Variants in DNAAF1 observed in about 807,000 individuals in gnomAD.
DNAAF1 encodes the protein dynein assembly factor 1, axonemal.
In DNAAF1, 65 loss-of-function variants were observed where a neutral mutation model predicts 71.1. The ratio of observed to expected loss-of-function variants is 0.91; its 90% CI spans 0.75 to 1.12. The LOEUF is 1.12. Ranked by LOEUF, DNAAF1 falls within the 50% of genes most tolerant of loss-of-function variation. The probability of loss-of-function intolerance (pLI) is 0.00; values close to 1 mark genes in which losing one functional copy is unlikely to be tolerated. For missense variants in DNAAF1, 1,178 were observed against 899.8 expected (o/e 1.31, Z -3.96); for synonymous variants, 414 against 354.6 (o/e 1.17, Z -1.88).
At chr16:84,163,383 C>CTT (rs71382897) in intron 6 of DNAAF1, among the ~76,000 whole-genome samples, 1 of 135,546 alleles carries the variant, frequency 7.4e-6, no homozygotes. Context: ...CTCTCTTTTT[C>CTT]TTTTTTTTTT....
rs1060502829 is a variant in DNAAF1 at position 84,149,072 on chromosome 16, C to T, written c.190C>T (p.Gln64Ter). Residue 64 changes from glutamine to a stop codon, truncating the protein, a stop_gained, in exon 2 of 12, where the codon CAG becomes TAG. Transcript: ENST00000378553. LOFTEE classifies it high-confidence loss of function. Reference sequence around the variant, plus strand: ...CACATCCTACCACAGCCAGCAGAAACAGAGTGGTGATAATGGGTCAGGTGG... The same window carrying T: ...CACATCCTACCACAGCCAGCAGAAATAGAGTGGTGATAATGGGTCAGGTGG... ...SDTSYHSQQK[Q>*]SGDNGSGGHF... 4 of 1,614,106 alleles carry T rather than the reference C, an allele frequency of 2.5e-6. No individual in the cohort carries two copies. Among genetic ancestry groups the T allele is most frequent in the Non-Finnish European group, 3.4e-6 (4 of 1,180,020 alleles).
chr16:84,176,035 GAC>G lies in DNAAF1; in HGVS notation c.1804_1805del (p.Thr602SerfsTer9), dbSNP rs1278356541. ...CCCTGTGCTGGAAAACCTCCCCACA[GAC>G]ACTCTGTCAAATATATTTGCAGTCT... ...SLPVLENLPT[D>X]TLSNIFAVSK... On this transcript the variant is annotated frameshift_variant, in exon 11 of 12. Coordinates refer to ENST00000378553, the MANE Select transcript of DNAAF1 (RefSeq NM_178452.6). LOFTEE classifies it high-confidence loss of function. The G allele has an allele frequency of 4.3e-6, 7 of 1,614,176 alleles. No homozygotes were observed. Among genetic ancestry groups the G allele is most frequent in the Non-Finnish European group, 5.9e-6 (7 of 1,180,038 alleles).
At position 84,155,599 on chromosome 16, in the gene DNAAF1, G is replaced by C; in HGVS notation, c.591G>C (p.Leu197=). The C allele has an allele frequency of 6.2e-7, 1 of 1,614,148 alleles. No individual in the cohort carries two copies. The highest frequency in any genetic ancestry group is 8.5e-7 in the Non-Finnish European group (1 of 1,180,026). ...ACCTTCCAGCCTGCCTCCCAGTCCT[G>C]AACACATTGCAGATGGCCCACAATC... is the stretch of plus-strand genomic sequence containing the variant. ...TIENLSCLPV[L]NTLQMAHNHL... Residue 197 remains leucine (L), a synonymous_variant, in exon 5 of 12, where the codon CTG becomes CTC. Coordinates refer to ENST00000378553, the MANE Select transcript of DNAAF1 (RefSeq NM_178452.6).
intron 8 of DNAAF1, 28 bp downstream of exon 8, chr16:84,170,384 A>G: frequency 6.2e-7 from 1 of 1,613,222 alleles, no homozygotes; most frequent in African/African-American, 1.3e-5. Context: ...ACACACACAG[A>G]CACACACACC....
At chr16:84,157,002 A>C (rs1207762276) in intron 5 of DNAAF1, among the ~76,000 whole-genome samples, 1 of 150,916 alleles carries the variant, frequency 6.6e-6, no homozygotes, top group Admixed American at 6.6e-5. Context: ...ACAGGTGTGC[A>C]CCACCACGTC....
intron 11 of DNAAF1, chr16:84,176,553 G>C: frequency 1.7e-6 from 1 of 590,944 alleles, no homozygotes. Context: ...CTGACTGTGT[G>C]TGGGGGTCAC....
At chr16:84,168,609 A>G (rs190336031) in intron 7 of DNAAF1, among the ~76,000 whole-genome samples, 71 of 152,216 alleles carry the variant, frequency 4.7e-4, no homozygotes, top group African/African-American at 1.7e-3. Flanking sequence ...AATGGCAGAA[A>G]TATGTTGCTT....
At chr16:84,148,905 T>G in intron 1 of DNAAF1, 102 bp from the exon 2 acceptor site, 1 of 1,316,854 alleles carries the variant, frequency 7.6e-7, no homozygotes. Flanking sequence ...AGAATACTGG[T>G]GTTCTATACT....
rs139283232 is a variant in DNAAF1 at position 84,159,676 on chromosome 16, G to A, written c.743G>A (p.Arg248His). 53 of 1,610,850 alleles carry A rather than the reference G, an allele frequency of 3.3e-5. No individual in the cohort carries two copies. Among genetic ancestry groups the A allele is most frequent in the Admixed American group, 5.0e-5 (3 of 59,680 alleles). ...TTGGTTCTGCTTGTCTTCTTGCAGC[G>A]TGTACTGAATTTGATGGGAAACCCG... is the stretch of plus-strand genomic sequence containing the variant. ...LSILESMPDL[R>H]VLNLMGNPVI... The change falls in exon 6 of 12, where the codon CGT becomes CAT. Residue 248 changes from arginine (R) to histidine (H), a missense_variant and splice_region_variant. Coordinates refer to ENST00000378553, the MANE Select transcript of DNAAF1 (RefSeq NM_178452.6).
chr16:84,172,725 A>G, intron 9 of DNAAF1: 1 of 1,174,962 alleles, frequency 8.5e-7, no homozygotes, highest in Non-Finnish European at 1.1e-6. Context: ...GCCTTATCCA[A>G]ATTCGTGGTG....
intron 6 of DNAAF1, among the ~76,000 whole-genome samples, chr16:84,164,385 T>G (rs903622019): frequency 6.6e-6 from 1 of 152,220 alleles, no homozygotes; most frequent in Non-Finnish European, 1.5e-5. Context: ...ATAGTTTTAC[T>G]GCCCTAAAAC....
At position 84,170,330 on chromosome 16, in the gene DNAAF1, C is replaced by T. The variant is rs745871666; in HGVS notation, c.1502C>T (p.Pro501Leu). ...ACCCTCCCAGCTGAGGCCCCACCACCACCGCCCCTGGGAGCTGCCAGGGAA... is the reference window on the plus strand; with the variant it reads ...ACCCTCCCAGCTGAGGCCCCACCACTACCGCCCCTGGGAGCTGCCAGGGAA... ...EGTLPAEAPP[P>L]PPLGAAREEP... is the part of the protein sequence containing the mutation. Residue 501 changes from proline to leucine, a missense_variant, in exon 8 of 12, where the codon CCA (proline) becomes CTA (leucine). Pro to Leu is a moderately conservative substitution (Grantham distance 98). Transcript: ENST00000378553. The T allele has an allele frequency of 5.6e-6, 9 of 1,611,778 alleles. 1 individual carries two copies. In the South Asian group the frequency reaches 9.9e-5, roughly 18 times the overall value.
At chr16:84,177,177 CCTT>C (rs1487605986) in intron 11 of DNAAF1, 8 of 184,712 alleles carry the variant, frequency 4.3e-5, no homozygotes. Context: ...CACTGAGTGG[CCTT>C]CTCTTCCACT....
At chr16:84,168,500 A>C (rs1282082561) in intron 7 of DNAAF1, among the ~76,000 whole-genome samples, 3 of 151,854 alleles carry the variant, frequency 2.0e-5, no homozygotes, top group African/African-American at 7.2e-5. Context: ...CTGGTCTCGA[A>C]CTCCTGGCCT....
Position 84,170,053 on chromosome 16 carries a change from G to A in DNAAF1, c.1225G>A (p.Gly409Ser). 1.9e-6 allele frequency: 3 copies of A among 1,613,882 alleles called. No individual in the cohort carries two copies. The highest frequency in any genetic ancestry group is 2.5e-6 in the Non-Finnish European group (3 of 1,180,040). Residue 409 changes from glycine to serine, a missense_variant, in exon 8 of 12, where the codon GGT becomes AGT. Transcript: ENST00000378553. ...PPVEAKREDG[G>S]PEPEGTLPAE... Reference sequence around the variant, plus strand: ...TGTGGAGGCTAAAAGAGAGGATGGAGGTCCAGAGCCAGAGGGGACCCTCCC... The same window carrying A: ...TGTGGAGGCTAAAAGAGAGGATGGAAGTCCAGAGCCAGAGGGGACCCTCCC...
intron 7 of DNAAF1, among the ~76,000 whole-genome samples, chr16:84,167,718 A>G (rs2088099588): frequency 6.6e-6 from 1 of 152,208 alleles, no homozygotes. Context: ...TTAGTGGCTT[A>G]AAAGAATACA....
chr16:84,176,895 C>A, intron 11 of DNAAF1: 1 of 171,402 alleles, frequency 5.8e-6, no homozygotes. Context: ...GTACCGGGGC[C>A]TCCCCTCATA....
Position 84,155,329 on chromosome 16 carries a change from A to C in DNAAF1, c.575-254A>C, listed in dbSNP as rs550599451. ...CTGCAGCCTTGACCTCCTGGTCTCA[A>C]GCGATCCTCCCACGTCAGCCTCCCA... On this transcript the variant is annotated intron_variant, in intron 4 of 11. Coordinates refer to ENST00000378553, the MANE Select transcript of DNAAF1 (RefSeq NM_178452.6). 6.4e-4 allele frequency among the ~76,000 whole-genome samples: 98 copies of C among 152,222 alleles called. 2 individuals carry two copies. The highest frequency in any genetic ancestry group is 2.1e-3 in the African/African-American group (89 of 41,548).
chr16:84,177,499 T>G, intron 11 of DNAAF1: 1 of 457,754 alleles, frequency 2.2e-6, no homozygotes, highest in Non-Finnish European at 4.1e-6. Flanking sequence ...CAGCTAATCT[T>G]TGTATTTTTA....
Sources: gnomAD v4.1 joint callset for allele counts (sites outside exome capture counted in the v4.1 genomes callset) on GRCh38, gnomAD v4.1.1 for gene constraint, MANE v1.5 for transcripts, NCBI Gene and HGNC (gene_info 2026-07-23, HGNC 2026-07-21) for gene names.